Variants in GPM6B observed in about 807,000 individuals in gnomAD.
The protein encoded by GPM6B is neuronal membrane glycoprotein M6-b.
GPM6B carries 4 observed loss-of-function variants against 27.2 expected under a neutral mutation model. The observed-to-expected ratio is 0.15, with a 90% CI of 0.07 to 0.34. The LOEUF (loss-of-function observed/expected upper bound fraction) is 0.34. Among genes scored for constraint, GPM6B ranks in the 10% least tolerant of loss-of-function variants. The pLI is 1.00. For missense variants in GPM6B, 183 were observed against 261.9 expected, an observed-to-expected ratio of 0.70 and a Z score of 2.08; for synonymous variants, 124 against 103.1, an observed-to-expected ratio of 1.20 and a Z score of -1.23.
chrX:13,778,710 A>G lies in GPM6B; in HGVS notation c.697+1108T>C, dbSNP rs142974483. Among the ~76,000 whole-genome samples, 87 of 112,343 alleles carry G rather than the reference A, an allele frequency of 7.7e-4. No individual in the cohort carries two copies. The East Asian group carries it at 0.018, about 23-fold the overall frequency. ...GGATTTAAAAAGATGATTGCTGATT[A>G]CCAAAAATTTGTGGCAAAACACTTA... is the stretch of plus-strand genomic sequence containing the variant. On this transcript the variant is annotated intron_variant, in intron 5 of 7. Coordinates refer to ENST00000316715, the MANE Select transcript of GPM6B (RefSeq NM_001001995.3).
chrX:13,832,128 C>T (rs954579613), intron 1 of GPM6B, among the ~76,000 whole-genome samples: 1 of 111,129 alleles, frequency 9.0e-6, no homozygotes, highest in Non-Finnish European at 1.9e-5. Context: ...ATATATTTGC[C>T]AGCCCTCTAA....
At chrX:13,935,814 A>G (rs748204557) in intron 1 of GPM6B, among the ~76,000 whole-genome samples, 1 of 112,555 alleles carries the variant, frequency 8.9e-6, no homozygotes, top group South Asian at 3.7e-4. Flanking sequence ...ATGTGCAGCC[A>G]AACATGGAAC....
intron 1 of GPM6B, among the ~76,000 whole-genome samples, chrX:13,915,133 T>A (rs1424807606): frequency 9.1e-6 from 1 of 109,853 alleles, no homozygotes; most frequent in African/African-American, 3.3e-5. Context: ...CTGGGCGTGG[T>A]GGTGTGCCCC....
In GPM6B at chrX:13,771,133, T is replaced by TGTA. The variant is rs2048288953; in HGVS notation, c.*1747_*1748insTAC. On this transcript the variant is annotated 3_prime_UTR_variant, in exon 8 of 8. Transcript: ENST00000316715. Reference sequence around the variant, plus strand: ...TTCACTGTTAGGTTACAAAAATTTATACATAGCAAAATTTAATGCTCTTTA... The same window carrying TGTA: ...TTCACTGTTAGGTTACAAAAATTTATGTAACATAGCAAAATTTAATGCTCTTTA... 6.2e-5 allele frequency: 7 copies of TGTA among 112,515 alleles called. No individual in the cohort carries two copies. Among genetic ancestry groups the TGTA allele is most frequent in the Non-Finnish European group, 1.3e-4 (7 of 53,211 alleles). The allele number at this position is 112,515 out of a possible 1,213,427, so 9.3% of individuals were successfully genotyped here.
In GPM6B at chrX:13,867,940, AGAT is replaced by A. The variant is rs376739028; in HGVS notation, c.-198+70384_-198+70386del. Among the ~76,000 whole-genome samples, 312 of 112,246 alleles carry A rather than the reference AGAT, an allele frequency of 2.8e-3. 2 individuals are homozygous for A. Among genetic ancestry groups the A allele is most frequent in the African/African-American group, 9.6e-3 (295 of 30,872 alleles). On this transcript the variant is annotated intron_variant, in intron 1 of 6. Coordinates refer to the GPM6B transcript ENST00000398361. ...CAATTAGACCAAAAACATGGATCCC[AGAT>A]GATATCTGTTGCTCAGTGTTCTGTT...
chrX:13,910,890 G>A (rs1044887304), intron 1 of GPM6B, among the ~76,000 whole-genome samples: 2 of 112,237 alleles, frequency 1.8e-5, no homozygotes, highest in African/African-American at 6.5e-5. Context: ...AGAAAGTAAC[G>A]GCAAACTGAA....
intron 1 of GPM6B, among the ~76,000 whole-genome samples, chrX:13,835,099 C>T (rs1213329638): frequency 4.5e-5 from 5 of 111,993 alleles, no homozygotes; most frequent in Non-Finnish European, 7.5e-5. Context: ...CAGCTAGAAC[C>T]ACAGAGCATC....
At chrX:13,818,760 G>A (rs755146675), upstream of GPM6B, among the ~76,000 whole-genome samples, 2 of 112,433 alleles carry the variant, frequency 1.8e-5, no homozygotes, top group African/African-American at 3.2e-5. Flanking sequence ...TGGTGTGTCC[G>A]GATAGGACAG....
At chrX:13,919,231 C>T (rs963811066) in intron 1 of GPM6B, among the ~76,000 whole-genome samples, 6 of 111,957 alleles carry the variant, frequency 5.4e-5, no homozygotes, top group South Asian at 3.7e-4. Flanking sequence ...CTTTCAAATA[C>T]AAAGATAATA....
intron 1 of GPM6B, among the ~76,000 whole-genome samples, chrX:13,931,376 T>C (rs1484892596): frequency 9.2e-6 from 1 of 108,560 alleles, no homozygotes; most frequent in Non-Finnish European, 1.9e-5. Context: ...TAGTCCCAGC[T>C]ACTCCGGAGG....
chrX:13,863,287 G>A (rs1425760041), intron 1 of GPM6B, among the ~76,000 whole-genome samples: 1 of 111,621 alleles, frequency 9.0e-6, no homozygotes, highest in Non-Finnish European at 1.9e-5. Flanking sequence ...TTCTGGATAA[G>A]AACAAATGTC....
rs749093113 is a variant in GPM6B at position 13,804,764 on chromosome X, C to T, written c.181+2886G>A. Reference sequence around the variant, plus strand: ...GCCTGTATCAAAACCTCTTTTTCCCCCATGGAAAAAGGCTGACAACTCTGC... The same window carrying T: ...GCCTGTATCAAAACCTCTTTTTCCCTCATGGAAAAAGGCTGACAACTCTGC... On this transcript the variant is annotated intron_variant, in intron 2 of 7. Coordinates refer to ENST00000316715, the MANE Select transcript of GPM6B (RefSeq NM_001001995.3). 1.1e-3 allele frequency among the ~76,000 whole-genome samples: 118 copies of T among 104,490 alleles called. 1 individual carries two copies. The highest frequency in any genetic ancestry group is 4.0e-3 in the African/African-American group (113 of 28,363). 90.7% of individuals were successfully genotyped at this position (104,490 alleles called of 115,157 possible).
intron 1 of GPM6B, among the ~76,000 whole-genome samples, chrX:13,929,257 A>G (rs370676001): frequency 6.3e-5 from 7 of 111,467 alleles, no homozygotes; most frequent in South Asian, 7.7e-4. Context: ...TTCAGAGATA[A>G]GGTGCACTAA....
At chrX:13,855,976 C>G (rs1028713598) in intron 1 of GPM6B, among the ~76,000 whole-genome samples, 82 of 111,233 alleles carry the variant, frequency 7.4e-4, no homozygotes, top group African/African-American at 2.4e-3. Context: ...GATCCCAGGG[C>G]CCTTGCAGCT....
At chrX:13,823,664 C>T (rs903610454) in intron 1 of GPM6B, among the ~76,000 whole-genome samples, 5 of 110,808 alleles carry the variant, frequency 4.5e-5, no homozygotes, top group African/African-American at 6.6e-5. Flanking sequence ...GGACTATAGG[C>T]GTGTGCCACC....
intron 1 of GPM6B, among the ~76,000 whole-genome samples, chrX:13,887,308 G>A (rs1422536232): frequency 8.9e-6 from 1 of 112,301 alleles, no homozygotes; most frequent in Non-Finnish European, 1.9e-5. Context: ...GGACATCTTG[G>A]GGGAAGATAC....
chrX:13,786,856 C>G (rs2074096), intron 2 of GPM6B, among the ~76,000 whole-genome samples: 2 of 108,471 alleles, frequency 1.8e-5, no homozygotes, highest in African/African-American at 3.4e-5. Context: ...GAGACATTTA[C>G]GTTTCAGTAA....
chrX:13,832,842 G>C (rs936524036), intron 1 of GPM6B, among the ~76,000 whole-genome samples: 3 of 111,459 alleles, frequency 2.7e-5, no homozygotes, highest in Admixed American at 9.5e-5. Context: ...TGGGTAGAAA[G>C]GGCAACCAAT....
chrX:13,938,048 G>A (rs1011842668), intron 1 of GPM6B, among the ~76,000 whole-genome samples: 1 of 111,678 alleles, frequency 9.0e-6, no homozygotes, highest in Non-Finnish European at 1.9e-5. Context: ...TTTGTTTCGC[G>A]CGGGCTTAAG....
Sources: allele counts gnomAD v4.1 joint callset (sites outside exome capture counted in the v4.1 genomes callset), GRCh38; gene constraint gnomAD v4.1.1; transcripts MANE v1.5; gene names NCBI Gene and HGNC (gene_info 2026-07-23, HGNC 2026-07-21).